Variants in PACS2 observed in about 807,000 individuals in gnomAD.
PACS2 encodes the protein PACS1-like protein.
Under a neutral mutation model 113.0 loss-of-function variants are expected in PACS2, and 36 were observed. That is an observed-to-expected ratio of 0.32 (90% CI 0.24 to 0.42). PACS2 has a LOEUF of 0.42. Ranked by LOEUF, PACS2 falls within the 10% of genes least tolerant of loss-of-function variation. PACS2 has a pLI of 1.00. For synonymous variants in PACS2, 589 were observed against 536.1 expected (o/e 1.10, Z -1.36); for missense variants, 1,015 against 1,239.5 (o/e 0.82, Z 2.72).
chr14:105,360,719 T>C (rs1409169367), intron 4 of PACS2, among the ~76,000 whole-genome samples: 1 of 152,172 alleles, frequency 6.6e-6, no homozygotes, highest in African/African-American at 2.4e-5. Context: ...AGAAGTTTCC[T>C]GCATACTTGA....
At chr14:105,301,497 T>C (rs1372984048) in intron 1 of PACS2, among the ~76,000 whole-genome samples, 1 of 150,312 alleles carries the variant, frequency 6.7e-6, no homozygotes, top group Admixed American at 6.6e-5. Context: ...AACCCCGGGC[T>C]CTGGGAGTGG....
Position 105,317,061 on chromosome 14 carries a change from C to T in PACS2, c.119+2024C>T, listed in dbSNP as rs760949114. On this transcript the variant is annotated intron_variant, in intron 1 of 24. Transcript: ENST00000447393. This position sits in a 1 kb window ranked among gnomAD's most constrained non-coding sequence, Gnocchi z 4.2. ...CTTGTGCCGCCTGTCCGTGCATCCTCGGACAGTCTGCTACTTAGTTTTGCT... is the reference window on the plus strand; with the variant it reads ...CTTGTGCCGCCTGTCCGTGCATCCTTGGACAGTCTGCTACTTAGTTTTGCT... Among the ~76,000 whole-genome samples the T allele has an allele frequency of 6.6e-6, 1 of 152,168 alleles. No individual in the cohort carries two copies.
chr14:105,394,466 C>G, intron 24 of PACS2, 88 bp from the exon 25 acceptor site: 1 of 1,583,826 alleles, frequency 6.3e-7, no homozygotes, highest in African/African-American at 1.3e-5. Flanking sequence ...CGCCCGGCTG[C>G]CACCCAGCCT....
rs945252753 is a variant in PACS2 at position 105,397,011 on chromosome 14, C to T, written c.*2339C>T. ...GGCTGCACAGCTCCATCCTTAGCCA[C>T]GCAAGGGGAGAACATGGGCAGAGTC... On this transcript the variant is annotated 3_prime_UTR_variant, in exon 25 of 25. Coordinates refer to ENST00000447393, the MANE Select transcript of PACS2 (RefSeq NM_001100913.3). The T allele has an allele frequency of 1.3e-5, 2 of 152,428 alleles. No individual in the cohort carries two copies. Among genetic ancestry groups the T allele is most frequent in the Admixed American group, 6.5e-5 (1 of 15,306 alleles). 9.4% of individuals were successfully genotyped at this position (152,428 alleles called of 1,614,324 possible). A position where few individuals can be genotyped will look rare whatever the true frequency, so the allele number is the denominator to read the frequency against.
intron 1 of PACS2, among the ~76,000 whole-genome samples, chr14:105,304,436 C>T (rs981463556): frequency 5.3e-5 from 8 of 151,906 alleles, no homozygotes; most frequent in African/African-American, 1.5e-4. Flanking sequence ...TGTGGTGAGG[C>T]GAGATGGCGT....
chr14:105,351,751 T>C (rs2060188567), intron 2 of PACS2, among the ~76,000 whole-genome samples: 1 of 152,136 alleles, frequency 6.6e-6, no homozygotes, highest in African/African-American at 2.4e-5. Flanking sequence ...AGGCTGAGGC[T>C]GGAGGATTGC....
rs782561185 is a variant in PACS2, at chr14:105,394,665, CCTT to C, written c.2711_2713del (p.Phe904del). The C allele has an allele frequency of 1.2e-6, 2 of 1,607,158 alleles. No homozygotes were observed. Among genetic ancestry groups the C allele is most frequent in the Non-Finnish European group, 1.7e-6 (2 of 1,174,444 alleles). On this transcript the variant is annotated inframe_deletion, in exon 25 of 25. Transcript: ENST00000447393. ...TGCATCTTCGGACACTCCAAGGCCA[CCTT>C]CTAGCCCCACCCACCAGGGGGCCCA...
At chr14:105,350,090 G>T (rs1057177444) in intron 2 of PACS2, among the ~76,000 whole-genome samples, 1 of 148,782 alleles carries the variant, frequency 6.7e-6, no homozygotes, top group African/African-American at 2.5e-5. Flanking sequence ...GGATGGAAGC[G>T]TCTCTCCGCC....
chr14:105,364,668 G>C (rs1483828113), intron 4 of PACS2, among the ~76,000 whole-genome samples: 1 of 150,614 alleles, frequency 6.6e-6, no homozygotes, highest in South Asian at 2.1e-4. Context: ...GTACAATTAA[G>C]TGTGACATCC....
Position 105,369,908 on chromosome 14 carries a change from C to T in PACS2, c.801+8C>T, listed in dbSNP as rs587658173. 1.4e-5 allele frequency: 22 copies of T among 1,598,084 alleles called. No homozygotes were observed. The highest frequency in any genetic ancestry group is 4.5e-5 in the East Asian group (2 of 44,578). On this transcript the variant is annotated splice_region_variant and intron_variant, in intron 8 of 24. Coordinates refer to ENST00000447393, the MANE Select transcript of PACS2 (RefSeq NM_001100913.3). The stretch of plus-strand genomic sequence containing the variant: ...TTCAAAGTGTCCGACGAGGTGAGTG[C>T]GCCGCGCCTTCTGCTCGCGGCCCCC...
At chr14:105,380,571 C>T (rs1037378107) in intron 11 of PACS2, among the ~76,000 whole-genome samples, 5 of 151,636 alleles carry the variant, frequency 3.3e-5, no homozygotes, top group African/African-American at 1.2e-4. Context: ...CTCACCCTAC[C>T]TTCAGGGTCA....
At position 105,376,652 on chromosome 14, in the gene PACS2, T is replaced by A. The variant is rs1325196181; in HGVS notation, c.802-116T>A. 2.2e-6 allele frequency: 2 copies of A among 894,024 alleles called. No individual in the cohort carries two copies. The highest frequency in any genetic ancestry group is 3.4e-6 in the Non-Finnish European group (2 of 586,256). The allele number at this position is 894,024 out of a possible 1,614,324, so 55.4% of individuals were successfully genotyped here. The stretch of plus-strand genomic sequence containing the variant: ...ACTACAGCCGTGCTGAGTGGAGGGG[T>A]TTGGTGGCTGGGTGCCCGCCTCCTA... On this transcript the variant is annotated intron_variant, in intron 8 of 24. Coordinates refer to ENST00000447393, the MANE Select transcript of PACS2 (RefSeq NM_001100913.3). This position sits in a 1 kb window ranked among gnomAD's most constrained non-coding sequence, Gnocchi z 4.7.
At position 105,369,862 on chromosome 14, in the gene PACS2, G is replaced by A. The variant is rs1555408910; in HGVS notation, c.763G>A (p.Val255Met). The A allele has an allele frequency of 6.2e-7, 1 of 1,604,332 alleles. No individual in the cohort carries two copies. The highest frequency in any genetic ancestry group is 1.1e-5 in the South Asian group (1 of 90,118). The change falls in exon 8 of 25, where the codon GTG becomes ATG. Residue 255 changes from valine (V) to methionine (M), a missense_variant. Transcript: ENST00000447393. The stretch of plus-strand genomic sequence containing the variant: ...GCAGCAACAGAACTTCAAGCAGAAA[G>A]TGGTAGCGCTGCTGCGGAGGTTCAA... ...MTRQQNFKQK[V>M]VALLRRFKVS...
intron 1 of PACS2, among the ~76,000 whole-genome samples, chr14:105,328,866 G>A (rs78224797): frequency 0.02 from 3,019 of 152,314 alleles, 99 homozygotes; most frequent in African/African-American, 0.069. Context: ...GCAGGGCGGC[G>A]TCCTCTCTCA....
chr14:105,367,489 G>T lies in PACS2; in HGVS notation c.586+114G>T. Reference sequence around the variant, plus strand: ...CCTGGCTTAAGGAGTTGGGGGTCCGGAGCACGTGTCAGTTGCTCTCCTGTC... The same window carrying T: ...CCTGGCTTAAGGAGTTGGGGGTCCGTAGCACGTGTCAGTTGCTCTCCTGTC... On this transcript the variant is annotated intron_variant, in intron 5 of 24. Transcript: ENST00000447393. The T allele has an allele frequency of 2.9e-6, 3 of 1,032,508 alleles. No homozygotes were observed. In the East Asian group the frequency reaches 7.2e-5, roughly 25 times the overall value. 64.0% of individuals were successfully genotyped at this position (1,032,508 alleles called of 1,614,324 possible).
intron 3 of PACS2, among the ~76,000 whole-genome samples, chr14:105,353,509 C>G (rs2060315911): frequency 6.6e-6 from 1 of 152,122 alleles, no homozygotes; most frequent in African/African-American, 2.4e-5. Flanking sequence ...TGCGTTACTG[C>G]AGATCTTCTG....
At chr14:105,314,219 G>T (rs2058444696), upstream of PACS2, among the ~76,000 whole-genome samples, 1 of 151,788 alleles carries the variant, frequency 6.6e-6, no homozygotes, top group African/African-American at 2.4e-5. Flanking sequence ...GGCGGGGCCC[G>T]CACAGCCGGG....
intron 2 of PACS2, among the ~76,000 whole-genome samples, chr14:105,350,067 G>A (rs151061843): frequency 1.6e-3 from 236 of 151,760 alleles, no homozygotes; most frequent in Non-Finnish European, 2.3e-3. Context: ...CCAGGAGTGC[G>A]TGGCTGATAG....
At chr14:105,343,849 C>G (rs1368620343) in intron 1 of PACS2, among the ~76,000 whole-genome samples, 1 of 151,782 alleles carries the variant, frequency 6.6e-6, no homozygotes, top group Non-Finnish European at 1.5e-5. Context: ...GCTTTTCTCA[C>G]TTTTTATTAG....
Sources: allele counts gnomAD v4.1 joint callset (sites outside exome capture counted in the v4.1 genomes callset), GRCh38; gene constraint gnomAD v4.1.1; non-coding constraint Gnocchi (gnomAD v3.1); transcripts MANE v1.5; gene names NCBI Gene and HGNC (gene_info 2026-07-23, HGNC 2026-07-21).